RABGGTB: variants seen among roughly 807,000 people sequenced by gnomAD.
RABGGTB encodes Rab geranylgeranyltransferase subunit beta, also known as geranylgeranyl transferase type-2 subunit beta.
RABGGTB carries 20 observed loss-of-function variants against 44.5 expected under a neutral mutation model. The ratio of observed to expected loss-of-function variants is 0.45; its 90% confidence interval spans 0.32 to 0.65. RABGGTB has a LOEUF of 0.65. Ranked by LOEUF, RABGGTB falls within the 30% of genes least tolerant of loss-of-function variation. RABGGTB has a pLI of 0.05. For missense variants in RABGGTB, 302 were observed against 398.7 expected (o/e 0.76, Z 2.06); for synonymous variants, 128 against 136.7 (o/e 0.94, Z 0.44).
chr1:75,787,585 G>C lies in RABGGTB; in HGVS notation c.92G>C (p.Gly31Ala), dbSNP rs747989521. 1.2e-6 allele frequency: 2 copies of C among 1,611,916 alleles called. No homozygotes were observed. The highest frequency in any genetic ancestry group is 1.7e-6 in the Non-Finnish European group (2 of 1,178,196). The change falls in exon 2 of 9, where the codon GGC becomes GCC. Residue 31 changes from glycine (G) to alanine (A), a missense_variant. Around this residue, in one of 2 missense-constraint regions of RABGGTB, gnomAD observed 89 missense variants for 75.0 expected, o/e 1.19. Coordinates refer to ENST00000319942, the MANE Select transcript of RABGGTB (RefSeq NM_004582.4). ...EKHADYIASY[G>A]SKKDDYEYCM... Reference sequence around the variant, plus strand: ...CATGCAGATTATATCGCATCCTATGGCTCAAAGAAAGATGATTATGTATGT... The same window carrying C: ...CATGCAGATTATATCGCATCCTATGCCTCAAAGAAAGATGATTATGTATGT...
intron 6 of RABGGTB, chr1:75,791,830 T>G (rs2100488858): frequency 2.3e-6 from 1 of 425,974 alleles, no homozygotes; most frequent in East Asian, 3.8e-5. Flanking sequence ...TTTCCATTAA[T>G]TTTTCACTAA....
chr1:75,786,308 G>A (rs1465396229), intron 1 of RABGGTB, 34 bp downstream of exon 1: 1 of 1,613,680 alleles, frequency 6.2e-7, no homozygotes, highest in African/African-American at 1.3e-5. Flanking sequence ...GTCCGGATGG[G>A]TTGGTAGCAG....
intron 7 of RABGGTB, chr1:75,793,274 T>A (rs1649690747): frequency 6.6e-6 from 1 of 152,046 alleles, no homozygotes; most frequent in South Asian, 2.1e-4. Flanking sequence ...ATTTTGTATT[T>A]TTAGTAGAGA....
chr1:75,786,381 T>C, intron 1 of RABGGTB, 107 bp downstream of exon 1: 1 of 1,478,802 alleles, frequency 6.8e-7, no homozygotes. Flanking sequence ...TGCTGGAGAA[T>C]GGTTAGGACA....
chr1:75,791,883 C>A, intron 6 of RABGGTB: 1 of 391,930 alleles, frequency 2.6e-6, no homozygotes, highest in South Asian at 4.6e-5. Flanking sequence ...TCTTTCTTTC[C>A]TAAGATAAAT....
rs1173451585 is a variant in RABGGTB at position 75,789,963 on chromosome 1, G to A, written c.321G>A (p.Leu107=). 2 of 1,606,040 alleles carry A rather than the reference G, an allele frequency of 1.2e-6. No homozygotes were observed. Among genetic ancestry groups the A allele is most frequent in the Admixed American group, 1.7e-5 (1 of 59,690 alleles). Residue 107 remains leucine, a synonymous_variant, in exon 4 of 9, where the codon CTG becomes CTA. Coordinates refer to ENST00000319942, the MANE Select transcript of RABGGTB (RefSeq NM_004582.4). ...TGTCTTTATTGCAGATTCTTACGCT[G>A]TATGACAGTATTAATGTTATTGACG... ...YTLSAVQILT[L]YDSINVIDVN... is the part of the protein sequence containing the mutation.
chr1:75,792,117 G>T, intron 6 of RABGGTB, 64 bp from the exon 7 acceptor site: 1 of 1,396,214 alleles, frequency 7.2e-7, no homozygotes, highest in South Asian at 1.3e-5. Flanking sequence ...TTAATAATTT[G>T]AGTTTTATCA....
intron 2 of RABGGTB, 81 bp downstream of exon 2, chr1:75,787,685 T>G (rs1405148721): frequency 8.9e-7 from 1 of 1,125,290 alleles, no homozygotes; most frequent in African/African-American, 1.5e-5. Flanking sequence ...ATTTATGTCT[T>G]AAAATGGCAT....
intron 3 of RABGGTB, 42 bp from the exon 4 acceptor site, chr1:75,789,910 A>T: frequency 1.4e-6 from 2 of 1,423,470 alleles, no homozygotes; most frequent in Non-Finnish European, 2.0e-6. Flanking sequence ...CATTAGAATA[A>T]ACCTGAAAGG....
intron 6 of RABGGTB, 28 bp from the exon 7 acceptor site, chr1:75,792,153 C>A: frequency 1.3e-6 from 2 of 1,560,126 alleles, no homozygotes; most frequent in Non-Finnish European, 1.8e-6. Flanking sequence ...AATTATTATA[C>A]ACATAAACTT....
intron 4 of RABGGTB, 80 bp downstream of exon 4, chr1:75,790,137 T>A: frequency 6.3e-7 from 1 of 1,575,168 alleles, no homozygotes; most frequent in Non-Finnish European, 8.6e-7. Flanking sequence ...GTTTATAAGT[T>A]TTTCATCTTT....
intron 1 of RABGGTB, 46 bp from the exon 2 acceptor site, chr1:75,787,451 C>A: frequency 7.3e-7 from 1 of 1,377,830 alleles, no homozygotes; most frequent in Non-Finnish European, 1.0e-6. Context: ...GGCAGAAGAA[C>A]GTTGTAGAGG....
chr1:75,792,996 T>G (rs1649684003), intron 7 of RABGGTB, among the ~76,000 whole-genome samples: 1 of 152,154 alleles, frequency 6.6e-6, no homozygotes, highest in African/African-American at 2.4e-5. Context: ...GTATTTTTAT[T>G]AGAGACGGGG....
chr1:75,794,468 G>A (rs1036044074), intron 8 of RABGGTB, 42 bp from the exon 9 acceptor site: 1 of 1,558,490 alleles, frequency 6.4e-7, no homozygotes, highest in South Asian at 1.2e-5. Flanking sequence ...AGTTAAAGAA[G>A]TTTTCATTTT....
Position 75,794,202 on chromosome 1 carries a change from C to CG in RABGGTB, c.830dup (p.Phe278IlefsTer30). 1 of 1,613,002 alleles carries CG rather than the reference C, an allele frequency of 6.2e-7. No individual in the cohort carries two copies. The highest frequency in any genetic ancestry group is 8.5e-7 in the Non-Finnish European group (1 of 1,179,428). Reference sequence around the variant, plus strand: ...ATTTTAGCATGTCAAGATGAAGAAACGGGGGGATTTGCAGACAGGCCAGGA... The same window carrying CG: ...ATTTTAGCATGTCAAGATGAAGAAACGGGGGGGATTTGCAGACAGGCCAGGA... On this transcript the variant is annotated frameshift_variant, in exon 8 of 9. Coordinates refer to ENST00000319942, the MANE Select transcript of RABGGTB (RefSeq NM_004582.4). LOFTEE classifies it high-confidence loss of function.
intron 2 of RABGGTB, chr1:75,788,206 G>A (rs1301134989): frequency 4.3e-6 from 1 of 232,578 alleles, no homozygotes; most frequent in South Asian, 5.6e-5. Context: ...AGGCCATATG[G>A]ATGGGGCTGG....
At chr1:75,789,381 G>A (rs369826065) in intron 3 of RABGGTB, 25 bp downstream of exon 3, 39 of 1,586,208 alleles carry the variant, frequency 2.5e-5, no homozygotes, top group Admixed American at 1.5e-4. Context: ...AAATTGCAAC[G>A]ATCTTGATAG....
intron 7 of RABGGTB, among the ~76,000 whole-genome samples, chr1:75,792,878 G>T (rs1021242986): frequency 1.3e-5 from 2 of 152,164 alleles, no homozygotes; most frequent in South Asian, 4.1e-4. Flanking sequence ...GCCCAGGCTG[G>T]AGTGCAGTGA....
At chr1:75,790,083 C>A (rs1324175639) in intron 4 of RABGGTB, 26 bp downstream of exon 4, 1 of 1,607,476 alleles carries the variant, frequency 6.2e-7, no homozygotes. Flanking sequence ...GTCCATTCTA[C>A]CCAAAATACC....
Sources: allele counts gnomAD v4.1 joint callset (sites outside exome capture counted in the v4.1 genomes callset), GRCh38; gene constraint gnomAD v4.1.1; regional missense constraint gnomAD v4.1.1; transcripts MANE v1.5; gene names NCBI Gene and HGNC (gene_info 2026-07-23, HGNC 2026-07-21).